PCAT7: variants seen among roughly 807,000 people sequenced by gnomAD.
PCAT7 encodes prostate cancer associated transcript 7, also known as prostate cancer associated transcript 7 (non-protein coding).
At chr9:94,560,151 G>T (rs1827075468) in intron 2 of PCAT7, among the ~76,000 whole-genome samples, 1 of 152,160 alleles carries the variant, frequency 6.6e-6, no homozygotes, top group Non-Finnish European at 1.5e-5. Context: ...TCCAAGCAAG[G>T]CCACTGTTTC....
chr9:94,564,557 G>A (rs1181462270), intron 2 of PCAT7, among the ~76,000 whole-genome samples: 1 of 152,176 alleles, frequency 6.6e-6, no homozygotes, highest in East Asian at 1.9e-4. Flanking sequence ...AACTAACACG[G>A]AAATAGGAAA....
chr9:94,565,965 C>G (rs539320), intron 2 of PCAT7, among the ~76,000 whole-genome samples: 63,083 of 151,948 alleles, frequency 0.42, 13,785 homozygotes, highest in East Asian at 0.69. Context: ...TGGCCCACAT[C>G]TGCTTATTTT....
intron 2 of PCAT7, chr9:94,569,386 TGAGCCGG>T (rs1367952902): frequency 6.6e-6 from 1 of 152,256 alleles, no homozygotes; most frequent in Non-Finnish European, 1.5e-5. Flanking sequence ...TTCACTTAAT[TGAGCCGG>T]GGTCAATTTT....
At chr9:94,561,765 G>C (rs781649) in intron 2 of PCAT7, among the ~76,000 whole-genome samples, 146,074 of 151,954 alleles carry the variant, frequency 0.96, 70,227 homozygotes, top group East Asian at 1. Context: ...CACACACACA[G>C]AGAGACGTCG....
intron 1 of PCAT7, among the ~76,000 whole-genome samples, chr9:94,555,592 A>C (rs493357): frequency 6.9e-6 from 1 of 144,912 alleles, no homozygotes; most frequent in Non-Finnish European, 1.5e-5. Flanking sequence ...TGAGGGGGGG[A>C]AAATGGGCGA....
At chr9:94,563,511 C>T (rs2131442745) in intron 2 of PCAT7, 3 of 1,586,982 alleles carry the variant, frequency 1.9e-6, no homozygotes, top group Non-Finnish European at 2.6e-6. Flanking sequence ...TCAGGATTAG[C>T]CAGCACCTGC....
At chr9:94,573,441 T>C (rs968106026) in intron 3 of PCAT7, among the ~76,000 whole-genome samples, 1 of 152,168 alleles carries the variant, frequency 6.6e-6, no homozygotes, top group Non-Finnish European at 1.5e-5. Context: ...ATGTCTTTTT[T>C]GAGATGGGGG....
Position 94,567,613 on chromosome 9 carries a change from A to G in PCAT7, n.442-5366A>G, listed in dbSNP as rs553185170. 6 of 540,634 alleles carry G rather than the reference A, an allele frequency of 1.1e-5. No individual in the cohort carries two copies. The East Asian group carries it at 1.4e-4, about 13-fold the overall frequency. 33.5% of individuals were successfully genotyped at this position (540,634 alleles called of 1,614,324 possible). On this transcript the variant is annotated intron_variant and non_coding_transcript_variant, in intron 2 of 8. Coordinates refer to ENST00000647389, the Ensembl canonical transcript of PCAT7. The stretch of plus-strand genomic sequence containing the variant: ...TGGAGCCCACACAGGAAGCTCTAGC[A>G]GTAACACAGCAAGCAGGAAGACAAT...
intron 3 of PCAT7, among the ~76,000 whole-genome samples, chr9:94,574,050 GTTCGT>G (rs1308508703): frequency 6.6e-6 from 1 of 152,052 alleles, no homozygotes; most frequent in Non-Finnish European, 1.5e-5. Context: ...TGAGACATTG[GTTCGT>G]TTCATCTAAG....
At position 94,573,985 on chromosome 9, in the gene PCAT7, G is replaced by A. The variant is rs550846741; in HGVS notation, n.512+936G>A. Among the ~76,000 whole-genome samples the A allele has an allele frequency of 3.3e-5, 5 of 152,322 alleles. No homozygotes were observed. The South Asian group carries it at 8.3e-4, about 25-fold the overall frequency. On this transcript the variant is annotated intron_variant and non_coding_transcript_variant, in intron 3 of 8. Coordinates refer to ENST00000647389, the Ensembl canonical transcript of PCAT7. ...TTTCTTAATAGTATTGAGCCCTGTA[G>A]ATAGCCATTCAAAGTATCTATTTTA...
intron 2 of PCAT7, among the ~76,000 whole-genome samples, chr9:94,561,352 A>ATTTTT (rs1174386595): frequency 0.058 from 3,187 of 54,996 alleles, 943 homozygotes; most frequent in Admixed American, 0.085. Flanking sequence ...TGTGACCTGT[A>ATTTTT]TTTTTTTTTT....
At chr9:94,554,810 G>T (rs567622482), upstream of PCAT7, among the ~76,000 whole-genome samples, 34 of 152,014 alleles carry the variant, frequency 2.2e-4, no homozygotes, top group Admixed American at 2.1e-3. Flanking sequence ...GGCTCCAGGG[G>T]GCGAAAAGTG....
At chr9:94,557,890 C>T (rs1170097557) in intron 1 of PCAT7, among the ~76,000 whole-genome samples, 1 of 152,192 alleles carries the variant, frequency 6.6e-6, no homozygotes. Context: ...AAGCCAACCC[C>T]TCCCCAGTCT....
chr9:94,569,537 G>A (rs78469661), intron 2 of PCAT7: 1 of 152,272 alleles, frequency 6.6e-6, no homozygotes, highest in Non-Finnish European at 1.5e-5. Context: ...CCACTCCTGG[G>A]GCTGGGGCCG....
chr9:94,571,440 T>G (rs1235254350), intron 2 of PCAT7: 1 of 1,587,414 alleles, frequency 6.3e-7, no homozygotes, highest in Admixed American at 1.8e-5. Flanking sequence ...CAGGCACAGA[T>G]GATGCCATAT....
At chr9:94,562,038 G>A (rs922198342) in intron 2 of PCAT7, among the ~76,000 whole-genome samples, 2 of 151,990 alleles carry the variant, frequency 1.3e-5, no homozygotes, top group South Asian at 2.1e-4. Flanking sequence ...TTCGCCGGGC[G>A]CTGTGACTCA....
upstream of PCAT7, among the ~76,000 whole-genome samples, chr9:94,554,879 G>C (rs1433111555): frequency 2.0e-5 from 3 of 152,124 alleles, no homozygotes; most frequent in Non-Finnish European, 4.4e-5. Context: ...CCACACATAA[G>C]TGCCAGAAAT....
intron 2 of PCAT7, chr9:94,570,800 C>A (rs1297384920): frequency 1.3e-5 from 2 of 152,198 alleles, no homozygotes; most frequent in African/African-American, 4.8e-5. Context: ...AAACCCCTCT[C>A]TCCACACATG....
intron 1 of PCAT7, among the ~76,000 whole-genome samples, chr9:94,556,331 TTTGGG>T (rs1295477855): frequency 1.3e-5 from 2 of 150,764 alleles, no homozygotes; most frequent in African/African-American, 4.9e-5. Context: ...GGAGAAAGTG[TTTGGG>T]TAGATGGATG....
Sources: allele counts gnomAD v4.1 joint callset (sites outside exome capture counted in the v4.1 genomes callset), GRCh38; gene constraint gnomAD v4.1.1; transcripts MANE v1.5; gene names NCBI Gene and HGNC (gene_info 2026-07-23, HGNC 2026-07-21).